The following ZNF280C variants were observed in gnomAD, a reference collection of about 807,000 sequenced individuals.
ZNF280C encodes the protein zinc finger protein 280C, also known as suppressor of hairy wing homolog 3.
In ZNF280C, 14 loss-of-function variants were observed where a neutral mutation model predicts 53.6. The observed-to-expected ratio is 0.26, with a 90% confidence interval of 0.17 to 0.41. The LOEUF (loss-of-function observed/expected upper bound fraction) is 0.41. Ranked by LOEUF, ZNF280C falls within the 10% of genes least tolerant of loss-of-function variation. ZNF280C has a pLI of 1.00. For synonymous variants in ZNF280C, 203 were observed against 181.1 expected, an observed-to-expected ratio of 1.12 and a Z score of -0.97; for missense variants, 416 against 547.1, an observed-to-expected ratio of 0.76 and a Z score of 2.39.
At chrX:130,210,927 T>C (rs1349112653) in intron 15 of ZNF280C, among the ~76,000 whole-genome samples, 1 of 112,266 alleles carries the variant, frequency 8.9e-6, no homozygotes, top group African/African-American at 3.2e-5. Context: ...ACTGCAAACA[T>C]AGTGAACTAA....
intron 10 of ZNF280C, 81 bp downstream of exon 10, chrX:130,228,896 T>C: frequency 1.1e-6 from 1 of 949,903 alleles, no homozygotes; most frequent in Middle Eastern, 4.1e-4. Context: ...TATTTTTTTC[T>C]GCCAGAATTT....
At chrX:130,205,034 T>C in intron 18 of ZNF280C, 42 bp from the exon 19 acceptor site, 1 of 1,023,490 alleles carries the variant, frequency 9.8e-7, no homozygotes. Flanking sequence ...TTTTCATTTA[T>C]ATTAATATTA....
chrX:130,256,757 T>C (rs775864019), intron 2 of ZNF280C, among the ~76,000 whole-genome samples: 2 of 106,672 alleles, frequency 1.9e-5, no homozygotes, highest in East Asian at 6.0e-4. Flanking sequence ...AAATTTGCAG[T>C]GCATGGTGGC....
At chrX:130,264,005 A>C (rs1279736410) in intron 1 of ZNF280C, among the ~76,000 whole-genome samples, 1 of 99,018 alleles carries the variant, frequency 1.0e-5, no homozygotes. Context: ...AGCCTGGGAG[A>C]CAGAGTGAGA....
At chrX:130,228,811 A>G (rs2032249032) in intron 10 of ZNF280C, among the ~76,000 whole-genome samples, 166 bp downstream of exon 10, 2 of 108,229 alleles carry the variant, frequency 1.8e-5, no homozygotes, top group Admixed American at 2.0e-4. Flanking sequence ...TGGCTTTAGA[A>G]CACATTTCAT....
intron 1 of ZNF280C, among the ~76,000 whole-genome samples, chrX:130,265,821 C>CT (rs2032682607): frequency 8.9e-6 from 1 of 112,580 alleles, no homozygotes; most frequent in South Asian, 3.6e-4. Context: ...TTCTCAACTT[C>CT]TCCTTCCTTA....
At chrX:130,260,388 T>C in intron 2 of ZNF280C, 31 bp downstream of exon 2, 3 of 1,173,900 alleles carry the variant, frequency 2.6e-6, no homozygotes. Flanking sequence ...AAACCATGCC[T>C]ATTAGTATCA....
At chrX:130,233,164 T>C (rs938969889) in intron 8 of ZNF280C, among the ~76,000 whole-genome samples, 2 of 111,583 alleles carry the variant, frequency 1.8e-5, no homozygotes, top group African/African-American at 3.3e-5. Context: ...AACTCATAGA[T>C]GCAGAGAGTA....
At chrX:130,236,145 T>C (rs2032329517) in intron 8 of ZNF280C, 69 bp downstream of exon 8, 1 of 733,541 alleles carries the variant, frequency 1.4e-6, no homozygotes, top group Non-Finnish European at 2.0e-6. Context: ...ATTTACTGTA[T>C]ATCAATTTTC....
chrX:130,223,224 T>C (rs866731096), intron 12 of ZNF280C, among the ~76,000 whole-genome samples: 2 of 110,507 alleles, frequency 1.8e-5, no homozygotes, highest in Non-Finnish European at 3.8e-5. Flanking sequence ...ACCCAGCTAA[T>C]TTTTTTTATT....
rs184734423 is a variant in ZNF280C at position 130,213,229 on chromosome X, C to T, written c.1979+1964G>A. 2.1e-4 allele frequency among the ~76,000 whole-genome samples: 23 copies of T among 111,240 alleles called. No individual in the cohort carries two copies. In the East Asian group the frequency reaches 4.8e-3, roughly 23 times the overall value. On this transcript the variant is annotated intron_variant, in intron 15 of 18. Coordinates refer to ENST00000370978, the MANE Select transcript of ZNF280C (RefSeq NM_017666.5). ...AATAAAAATAAAAATAAAAATTAGC[C>T]GGGCGTGGTGGCGTGTGCCTGTAGT...
intron 8 of ZNF280C, among the ~76,000 whole-genome samples, chrX:130,233,838 C>T (rs146747425): frequency 1.6e-3 from 174 of 109,171 alleles, no homozygotes; most frequent in African/African-American, 5.4e-3. Context: ...TCAATCATAC[C>T]TCAATAAAGT....
intron 10 of ZNF280C, among the ~76,000 whole-genome samples, chrX:130,228,617 C>CTT (rs35926660): frequency 1.3e-3 from 75 of 58,376 alleles, no homozygotes; most frequent in East Asian, 7.1e-3. Context: ...TTTTCTTCTA[C>CTT]TTTTTTTTTT....
At position 130,204,173 on chromosome X, in the gene ZNF280C, T is replaced by A. The variant is rs1183628355; in HGVS notation, c.*804A>T. The A allele has an allele frequency of 8.9e-6, 1 of 112,458 alleles. No homozygotes were observed. Among genetic ancestry groups the A allele is most frequent in the Non-Finnish European group, 1.9e-5 (1 of 53,254 alleles). 9.3% of individuals were successfully genotyped at this position (112,458 alleles called of 1,213,427 possible). Reference sequence around the variant, plus strand: ...GACTGCATGCCTGCTAGAGGAAAATTAAAGAGCAGCAGCCAAAATGGTTAA... The same window carrying A: ...GACTGCATGCCTGCTAGAGGAAAATAAAAGAGCAGCAGCCAAAATGGTTAA... On this transcript the variant is annotated 3_prime_UTR_variant, in exon 19 of 19. Coordinates refer to ENST00000370978, the MANE Select transcript of ZNF280C (RefSeq NM_017666.5).
intron 12 of ZNF280C, among the ~76,000 whole-genome samples, chrX:130,223,170 C>T (rs2032187090): frequency 9.0e-6 from 1 of 110,834 alleles, no homozygotes; most frequent in Middle Eastern, 4.6e-3. Flanking sequence ...TGATTCTCCC[C>T]CCTCAGCCTA....
chrX:130,263,071 G>A (rs1338910723), intron 1 of ZNF280C, among the ~76,000 whole-genome samples: 3 of 112,341 alleles, frequency 2.7e-5, no homozygotes, highest in Admixed American at 9.4e-5. Flanking sequence ...CACAAGTGTT[G>A]GCAAGGATGT....
In ZNF280C at chrX:130,230,743, A is replaced by T; in HGVS notation, c.772-16T>A. The T allele has an allele frequency of 9.3e-7, 1 of 1,079,187 alleles. No homozygotes were observed. Among genetic ancestry groups the T allele is most frequent in the Non-Finnish European group, 1.3e-6 (1 of 782,515 alleles). The allele number at this position is 1,079,187 out of a possible 1,213,427, so 88.9% of individuals were successfully genotyped here. On this transcript the variant is annotated splice_polypyrimidine_tract_variant and intron_variant, in intron 8 of 18. Transcript: ENST00000370978. ...GACAACAATGCTGAAAGAGGAAAAA[A>T]ATATGAGCCTTGTCTACAGCTCTTT...
chrX:130,215,719 G>T, intron 14 of ZNF280C, 72 bp downstream of exon 14: 1 of 969,413 alleles, frequency 1.0e-6, no homozygotes, highest in East Asian at 3.3e-5. Flanking sequence ...ATGTGTAAGA[G>T]GGTTTTATGA....
At chrX:130,229,194 CAAAT>C in intron 9 of ZNF280C, 60 bp from the exon 10 acceptor site, 1 of 1,035,804 alleles carries the variant, frequency 9.7e-7, no homozygotes, top group Non-Finnish European at 1.3e-6. Context: ...AAAAACCTCA[CAAAT>C]AAGTCTCTGA....
Sources: gnomAD v4.1 joint callset for allele counts (sites outside exome capture counted in the v4.1 genomes callset) on GRCh38, gnomAD v4.1.1 for gene constraint, MANE v1.5 for transcripts, NCBI Gene and HGNC (gene_info 2026-07-23, HGNC 2026-07-21) for gene names.